The following RTCB variants were observed in gnomAD, a reference collection of about 807,000 sequenced individuals.
The protein encoded by RTCB is RNA 2',3'-cyclic phosphate and 5'-OH ligase.
In RTCB, 32 loss-of-function variants were observed where a neutral mutation model predicts 58.2. The ratio of observed to expected loss-of-function variants is 0.55; its 90% CI spans 0.41 to 0.74. RTCB has a LOEUF of 0.74. Among genes scored for constraint, RTCB ranks in the 30% least tolerant of loss-of-function variants. RTCB has a pLI of 0.00. For missense variants in RTCB, 523 were observed against 639.0 expected (o/e 0.82, Z 1.96); for synonymous variants, 247 against 218.6 (o/e 1.13, Z -1.15).
chr22:32,398,359 A>G (rs1018255494), intron 6 of RTCB, among the ~76,000 whole-genome samples: 13 of 152,332 alleles, frequency 8.5e-5, no homozygotes, highest in Non-Finnish European at 1.3e-4. Flanking sequence ...CAGGAACAGA[A>G]AACCAAACAC....
At chr22:32,403,585 A>G (rs543986946) in intron 4 of RTCB, among the ~76,000 whole-genome samples, 52 of 152,274 alleles carry the variant, frequency 3.4e-4, no homozygotes, top group African/African-American at 1.2e-3. Context: ...CAAGTACACA[A>G]TATTTTATTT....
At chr22:32,388,457 G>A (rs1417093939) in intron 11 of RTCB, among the ~76,000 whole-genome samples, 12 of 152,154 alleles carry the variant, frequency 7.9e-5, no homozygotes, top group Admixed American at 7.9e-4. Flanking sequence ...CTTGATGGTA[G>A]AATTACTGGC....
In RTCB at chr22:32,388,012, T is replaced by C. The variant is rs746464739; in HGVS notation, c.1498A>G (p.Ile500Val). 1.1e-5 allele frequency: 17 copies of C among 1,613,060 alleles called. No homozygotes were observed. The highest frequency in any genetic ancestry group is 1.4e-5 in the Non-Finnish European group (16 of 1,179,016). Residue 500 changes from isoleucine (I) to valine (V), a missense_variant, in exon 12 of 12, where the codon ATT becomes GTT. Ile to Val is a conservative substitution (Grantham distance 29, BLOSUM62 3). Coordinates refer to ENST00000216038, the MANE Select transcript of RTCB (RefSeq NM_014306.5). ...AGGTTCTATCCTTTGATCACAGCAA[T>C]TGGTCTCAGTTTAATGGCTTTCTTG... ...ISKKAIKLRP[I>V]AVIKG
chr22:32,389,365 CAT>C lies in RTCB; in HGVS notation c.1411-1268_1411-1267del, dbSNP rs557105564. On this transcript the variant is annotated intron_variant, in intron 11 of 11. Transcript: ENST00000216038. ...AAACATGCTAACTTTATCTTCCCCA[CAT>C]ATCTGTATCTATACCTTCTCTCCTT... is the stretch of plus-strand genomic sequence containing the variant. 1.9e-3 allele frequency among the ~76,000 whole-genome samples: 289 copies of C among 152,322 alleles called. 1 individual carries two copies. Among genetic ancestry groups the C allele is most frequent in the Non-Finnish European group, 3.6e-3 (247 of 68,020 alleles).
At chr22:32,411,329 G>C (rs949274964) in intron 1 of RTCB, among the ~76,000 whole-genome samples, 1 of 152,256 alleles carries the variant, frequency 6.6e-6, no homozygotes, top group Non-Finnish European at 1.5e-5. Context: ...ATAAAAATAT[G>C]AGCACAGATG....
Position 32,400,532 on chromosome 22 carries a change from G to A in RTCB, c.498-773C>T, listed in dbSNP as rs185789745. Among the ~76,000 whole-genome samples the A allele has an allele frequency of 9.2e-5, 14 of 152,314 alleles. No individual in the cohort carries two copies. In the East Asian group the frequency reaches 2.1e-3, roughly 23 times the overall value. On this transcript the variant is annotated intron_variant, in intron 5 of 11. Transcript: ENST00000216038. ...TCACCCCATAGGCAGTGTGCCCAGA[G>A]TAGACCCATTTCAGTATTAGTAGAC...
At chr22:32,401,506 A>G (rs1569442012) in intron 5 of RTCB, 7 of 408,892 alleles carry the variant, frequency 1.7e-5, no homozygotes, top group Non-Finnish European at 2.2e-5. Flanking sequence ...AGTGCTCAAT[A>G]AACGTTGGTG....
intron 10 of RTCB, chr22:32,392,564 A>T (rs1399607713): frequency 3.9e-5 from 28 of 717,324 alleles, no homozygotes; most frequent in Non-Finnish European, 6.9e-5. Flanking sequence ...CAGGGTATTC[A>T]GCAGCGCAGC....
intron 5 of RTCB, among the ~76,000 whole-genome samples, chr22:32,400,296 G>T (rs73881688): frequency 0.035 from 5,273 of 152,060 alleles, 291 homozygotes; most frequent in African/African-American, 0.12. Context: ...AGTGGCTTAC[G>T]GCACCTCCAT....
chr22:32,398,338 A>C (rs1736077445), intron 6 of RTCB, among the ~76,000 whole-genome samples: 1 of 152,168 alleles, frequency 6.6e-6, no homozygotes, highest in Admixed American at 6.5e-5. Context: ...TACACATATA[A>C]AAAACTAACA....
intron 4 of RTCB, among the ~76,000 whole-genome samples, chr22:32,406,319 A>T (rs1933419066): frequency 6.6e-6 from 1 of 152,050 alleles, no homozygotes; most frequent in Non-Finnish European, 1.5e-5. Context: ...GTCCATAGAG[A>T]GAAGCTACAC....
Position 32,399,693 on chromosome 22 carries a change from T to C in RTCB, c.564A>G (p.Glu188=), listed in dbSNP as rs1289280725. ...WSLREGYAWA[E]DKEHCEEYGR... ...CGTACTCCTCGCAGTGCTCCTTGTC[T>C]TCAGCCCAGGCATACCCTTCTCTTA... The change falls in exon 6 of 12, where the codon GAA becomes GAG. Residue 188 remains glutamate, a synonymous_variant. Coordinates refer to ENST00000216038, the MANE Select transcript of RTCB (RefSeq NM_014306.5). 1.9e-6 allele frequency: 3 copies of C among 1,614,106 alleles called. No homozygotes were observed. In the South Asian group the frequency reaches 3.3e-5, roughly 18 times the overall value.
chr22:32,390,509 C>T (rs756180925), intron 11 of RTCB, among the ~76,000 whole-genome samples: 9 of 151,062 alleles, frequency 6.0e-5, no homozygotes, highest in Non-Finnish European at 1.0e-4. Flanking sequence ...AGTGCAGTAG[C>T]GCGATCTCGG....
chr22:32,393,748 T>C (rs1386686368), intron 10 of RTCB, 144 bp downstream of exon 10: 3 of 631,292 alleles, frequency 4.8e-6, no homozygotes, highest in Non-Finnish European at 8.5e-6. Flanking sequence ...TAGTATACAT[T>C]ATGGGGAACA....
At chr22:32,393,144 C>A (rs1285711399) in intron 10 of RTCB, among the ~76,000 whole-genome samples, 1 of 152,140 alleles carries the variant, frequency 6.6e-6, no homozygotes, top group Non-Finnish European at 1.5e-5. Context: ...TAATGTTGCC[C>A]AGTCTAGTCT....
At chr22:32,394,961 T>C in intron 9 of RTCB, 65 bp downstream of exon 9, 2 of 1,382,110 alleles carry the variant, frequency 1.4e-6, no homozygotes, top group Non-Finnish European at 1.0e-6. Context: ...TTAAATGTAA[T>C]TCACATTTGC....
chr22:32,399,596 G>A lies in RTCB; in HGVS notation c.654+7C>T. ...AATTAACATGTTGCCCCTCCAAAGT[G>A]AGTTACCTGAGGAAGGCCTCTTTTC... On this transcript the variant is annotated splice_region_variant and intron_variant, in intron 6 of 11. Transcript: ENST00000216038. 6.2e-7 allele frequency: 1 copy of A among 1,606,264 alleles called. No individual in the cohort carries two copies. The highest frequency in any genetic ancestry group is 8.5e-7 in the Non-Finnish European group (1 of 1,175,846).
intron 11 of RTCB, among the ~76,000 whole-genome samples, chr22:32,390,893 C>T (rs926649375): frequency 1.3e-5 from 2 of 151,964 alleles, no homozygotes; most frequent in Non-Finnish European, 2.9e-5. Flanking sequence ...TAGGGTCTTG[C>T]TTTGCACCAA....
chr22:32,387,780 A>C lies in RTCB; in HGVS notation c.*212T>G. The stretch of plus-strand genomic sequence containing the variant: ...GGAGAAGGCATATTCCTCCCTTTCC[A>C]AAGGTGGGCAATGTGCCTCTTCCTG... On this transcript the variant is annotated 3_prime_UTR_variant, in exon 12 of 12. Coordinates refer to ENST00000216038, the MANE Select transcript of RTCB (RefSeq NM_014306.5). The C allele has an allele frequency of 2.0e-6, 1 of 503,812 alleles. No individual in the cohort carries two copies. Among genetic ancestry groups the C allele is most frequent in the South Asian group, 2.6e-5 (1 of 38,022 alleles). The allele number at this position is 503,812 out of a possible 1,614,324, so 31.2% of individuals were successfully genotyped here.
Sources: allele counts gnomAD v4.1 joint callset (sites outside exome capture counted in the v4.1 genomes callset), GRCh38; gene constraint gnomAD v4.1.1; transcripts MANE v1.5; gene names NCBI Gene and HGNC (gene_info 2026-07-23, HGNC 2026-07-21).